Variants in TTPA observed in about 807,000 individuals in gnomAD.
TTPA encodes the protein alpha tocopherol transfer protein.
A neutral mutation model predicts 25.9 loss-of-function variants in TTPA; 23 were observed. The observed-to-expected ratio is 0.89, with a 90% confidence interval of 0.64 to 1.26. The LOEUF (loss-of-function observed/expected upper bound fraction) is 1.26, where lower values mean the gene tolerates loss of function less well. Ranked by LOEUF, TTPA falls within the 50% of genes most tolerant of loss-of-function variation. The probability of loss-of-function intolerance (pLI) is 0.00; values close to 1 mark genes in which losing one functional copy is unlikely to be tolerated. For synonymous variants in TTPA, 148 were observed against 137.3 expected (o/e 1.08, Z -0.54); for missense variants, 337 against 353.1 (o/e 0.95, Z 0.37).
At chr8:63,082,417 G>A (rs1019745627) in intron 1 of TTPA, among the ~76,000 whole-genome samples, 10 of 152,268 alleles carry the variant, frequency 6.6e-5, no homozygotes, top group South Asian at 2.1e-4. Context: ...AATAAATGGC[G>A]CTGGGAAAAC....
At chr8:63,073,629 T>C (rs1805516203) in intron 1 of TTPA, among the ~76,000 whole-genome samples, 1 of 152,162 alleles carries the variant, frequency 6.6e-6, no homozygotes, top group Non-Finnish European at 1.5e-5. Context: ...CAAGTTCCCA[T>C]CTAATGCCAT....
intron 2 of TTPA, among the ~76,000 whole-genome samples, chr8:63,066,807 A>T (rs1025953336): frequency 6.6e-6 from 1 of 152,200 alleles, no homozygotes; most frequent in Non-Finnish European, 1.5e-5. Context: ...ATTCCTTAAA[A>T]ATTAGAATAT....
intron 1 of TTPA, among the ~76,000 whole-genome samples, chr8:63,075,810 A>C (rs1805554342): frequency 6.6e-6 from 1 of 152,134 alleles, no homozygotes; most frequent in East Asian, 1.9e-4. Context: ...ACATGATATG[A>C]AAAATTTTAT....
intron 1 of TTPA, among the ~76,000 whole-genome samples, chr8:63,079,868 T>C (rs531379247): frequency 1.3e-5 from 2 of 152,304 alleles, no homozygotes; most frequent in South Asian, 4.1e-4. Context: ...AGAATATACA[T>C]TCTTCTCAGC....
intron 2 of TTPA, among the ~76,000 whole-genome samples, chr8:63,066,960 A>G (rs1805400437): frequency 6.6e-6 from 1 of 152,040 alleles, no homozygotes; most frequent in Non-Finnish European, 1.5e-5. Context: ...CTGTATTTCC[A>G]GCTACTCGGG....
Position 63,077,129 on chromosome 8 carries a change from T to C in TTPA, c.205-4041A>G, listed in dbSNP as rs552600968. 2.0e-5 allele frequency among the ~76,000 whole-genome samples: 3 copies of C among 152,118 alleles called. No homozygotes were observed. In the East Asian group the frequency reaches 5.8e-4, roughly 29 times the overall value. On this transcript the variant is annotated intron_variant, in intron 1 of 4. Transcript: ENST00000260116. The stretch of plus-strand genomic sequence containing the variant: ...ATCAAGGACAAAGGCCTAAAATATA[T>C]AAAAAGGCCTAAAATACATAAAAAT...
intron 1 of TTPA, among the ~76,000 whole-genome samples, chr8:63,082,413 T>C (rs1805678315): frequency 6.6e-6 from 1 of 152,180 alleles, no homozygotes. Flanking sequence ...ATTTAATAAA[T>C]GGCGCTGGGA....
At chr8:63,078,908 A>G (rs190632997) in intron 1 of TTPA, among the ~76,000 whole-genome samples, 25 of 152,340 alleles carry the variant, frequency 1.6e-4, no homozygotes, top group Admixed American at 1.5e-3. Context: ...GGTTGAAATG[A>G]AGGAAGAAAT....
At chr8:63,075,677 C>CGACA (rs2129769532) in intron 1 of TTPA, among the ~76,000 whole-genome samples, 1 of 130,262 alleles carries the variant, frequency 7.7e-6, no homozygotes, top group Non-Finnish European at 1.5e-5. Flanking sequence ...CCAGCCTGGG[C>CGACA]GACAGAGCCA....
At chr8:63,081,055 C>T (rs1186824385) in intron 1 of TTPA, among the ~76,000 whole-genome samples, 1 of 150,078 alleles carries the variant, frequency 6.7e-6, no homozygotes, top group Admixed American at 6.6e-5. Context: ...CAAATTCTAA[C>T]AGAGGTACAA....
chr8:63,085,767 A>G (rs1338074896), intron 1 of TTPA, 51 bp downstream of exon 1: 25 of 1,509,104 alleles, frequency 1.7e-5, no homozygotes, highest in Non-Finnish European at 2.2e-5. Context: ...GGGGCGGGGG[A>G]CGGGGCGGGT....
intron 3 of TTPA, among the ~76,000 whole-genome samples, chr8:63,064,894 T>C (rs1434689928): frequency 6.6e-6 from 1 of 152,180 alleles, no homozygotes; most frequent in Non-Finnish European, 1.5e-5. Context: ...TTTTATTTTT[T>C]CCATGCATCA....
rs117007361 is a variant in TTPA at position 63,065,462 on chromosome 8, C to T, written c.552+442G>A. ...ATCTTTAATATATTAAAGATTATTC[C>T]TTAGCTAGTTTCCCAGAAATAGAAT... On this transcript the variant is annotated intron_variant, in intron 3 of 4. Transcript: ENST00000260116. 8.8e-3 allele frequency among the ~76,000 whole-genome samples: 1,345 copies of T among 152,126 alleles called. 5 individuals are homozygous for T. The highest frequency in any genetic ancestry group is 0.014 in the Non-Finnish European group (965 of 67,990).
chr8:63,084,470 G>A (rs1805715619), intron 1 of TTPA, among the ~76,000 whole-genome samples: 1 of 152,166 alleles, frequency 6.6e-6, no homozygotes, highest in Non-Finnish European at 1.5e-5. Flanking sequence ...CCAATAACAG[G>A]TTAGATACAT....
intron 2 of TTPA, among the ~76,000 whole-genome samples, chr8:63,067,237 A>G (rs548488943): frequency 6.6e-6 from 1 of 152,312 alleles, no homozygotes; most frequent in East Asian, 1.9e-4. Flanking sequence ...GACAGAGCCA[A>G]TCGAGGAAAA....
chr8:63,061,041 A>G lies in TTPA; in HGVS notation c.*211T>C. 1.9e-6 allele frequency: 1 copy of G among 531,474 alleles called. No individual in the cohort carries two copies. Among genetic ancestry groups the G allele is most frequent in the East Asian group, 3.5e-5 (1 of 28,664 alleles). The allele number at this position is 531,474 out of a possible 1,614,324, so 32.9% of individuals were successfully genotyped here. ...TTTTATGCTCTTAAAATGTACTGACATTTAATTACTTCAAAAGTAGAGAAA... is the reference window on the plus strand; with the variant it reads ...TTTTATGCTCTTAAAATGTACTGACGTTTAATTACTTCAAAAGTAGAGAAA... On this transcript the variant is annotated 3_prime_UTR_variant, in exon 5 of 5. Transcript: ENST00000260116.
At position 63,085,690 on chromosome 8, in the gene TTPA, G is replaced by C. The variant is rs1805737366; in HGVS notation, c.204+128C>G. On this transcript the variant is annotated intron_variant, in intron 1 of 4. Coordinates refer to ENST00000260116, the MANE Select transcript of TTPA (RefSeq NM_000370.3). The stretch of plus-strand genomic sequence containing the variant: ...TCAGCGCCCACGCCGGGTGGTTAGG[G>C]GCGCGTTACCCGCCAGGGTCCTGCC... The C allele has an allele frequency of 8.5e-6, 10 of 1,173,774 alleles. No individual in the cohort carries two copies. The African/African-American group carries it at 1.1e-4, about 13-fold the overall frequency. 72.7% of individuals were successfully genotyped at this position (1,173,774 alleles called of 1,614,324 possible).
chr8:63,081,240 C>T (rs1298438145), intron 1 of TTPA, among the ~76,000 whole-genome samples: 5 of 152,114 alleles, frequency 3.3e-5, no homozygotes, highest in Non-Finnish European at 7.4e-5. Flanking sequence ...CAAAAATCCT[C>T]AATAAAATAC....
chr8:63,085,523 G>T (rs1251547752), intron 1 of TTPA, among the ~76,000 whole-genome samples: 1 of 152,192 alleles, frequency 6.6e-6, no homozygotes, highest in Non-Finnish European at 1.5e-5. Context: ...GTAGGTTCAG[G>T]AGACTCATCT....
Sources: allele counts gnomAD v4.1 joint callset (sites outside exome capture counted in the v4.1 genomes callset), GRCh38; gene constraint gnomAD v4.1.1; transcripts MANE v1.5; gene names NCBI Gene and HGNC (gene_info 2026-07-23, HGNC 2026-07-21).